The following TENM3 variants were observed in gnomAD, a reference collection of about 807,000 sequenced individuals.
The protein encoded by TENM3 is teneurin-3.
In TENM3, 63 loss-of-function variants were observed where a neutral mutation model predicts 255.1. That is an observed-to-expected ratio of 0.25 (90% CI 0.20 to 0.30). The LOEUF (loss-of-function observed/expected upper bound fraction) is 0.30, where lower values mean the gene tolerates loss of function less well. Ranked by LOEUF, TENM3 falls within the 10% of genes least tolerant of loss-of-function variation. The pLI, the probability that TENM3 is intolerant of heterozygous loss-of-function variation, is 1.00. For synonymous variants in TENM3, 1,306 were observed against 1,322.3 expected, an observed-to-expected ratio of 0.99 and a Z score of 0.27; for missense variants, 2,929 against 3,461.1, an observed-to-expected ratio of 0.85 and a Z score of 3.86.
chr4:181,512,707 C>T, the TENM3 span, among the ~76,000 whole-genome samples: 1 of 152,190 alleles, frequency 6.6e-6, no homozygotes, highest in South Asian at 2.1e-4. Context: ...ATCTACGGCA[C>T]CTAAAAGTGT....
intron 3 of TENM3, among the ~76,000 whole-genome samples, chr4:182,368,011 T>C (rs1214755993): frequency 1.3e-5 from 2 of 152,196 alleles, no homozygotes; most frequent in Non-Finnish European, 2.9e-5. Flanking sequence ...TGTACTCCAA[T>C]ACCAGCTAAG....
the TENM3 span, among the ~76,000 whole-genome samples, chr4:181,801,648 TAAAATATATATATATA>T: frequency 2.0e-4 from 17 of 86,416 alleles, no homozygotes; most frequent in Non-Finnish European, 4.1e-4. Context: ...TAAAGAATTG[TAAAATATATATATATA>T]TATATATATA....
intron 1 of TENM3, among the ~76,000 whole-genome samples, chr4:182,295,951 A>G (rs569967369): frequency 1.3e-5 from 2 of 151,976 alleles, no homozygotes; most frequent in African/African-American, 2.4e-5. Context: ...CATTATTATT[A>G]TTTTTTTATT....
At chr4:182,663,212 T>C (rs1056592386) in intron 6 of TENM3, among the ~76,000 whole-genome samples, 3 of 152,194 alleles carry the variant, frequency 2.0e-5, no homozygotes, top group Non-Finnish European at 4.4e-5. Flanking sequence ...GATTCATATT[T>C]CATGGGAAAA....
intron 3 of TENM3, among the ~76,000 whole-genome samples, chr4:182,492,262 A>G (rs569126701): frequency 6.6e-6 from 1 of 152,188 alleles, no homozygotes; most frequent in East Asian, 1.9e-4. Flanking sequence ...ATAAGCTAAC[A>G]TTTCCTGAAA....
intron 1 of TENM3, among the ~76,000 whole-genome samples, chr4:182,301,938 G>A (rs1429812569): frequency 6.6e-6 from 1 of 152,166 alleles, no homozygotes; most frequent in Non-Finnish European, 1.5e-5. Flanking sequence ...GCTTCCTTGG[G>A]ACACGCTCGG....
chr4:181,623,706 A>G, the TENM3 span, among the ~76,000 whole-genome samples: 2 of 152,222 alleles, frequency 1.3e-5, no homozygotes, highest in African/African-American at 4.8e-5. Flanking sequence ...TTCGTAAACA[A>G]TCAGTTGTTA....
Position 182,436,878 on chromosome 4 carries a change from C to T in TENM3, c.511+89949C>T, listed in dbSNP as rs936832426. On this transcript the variant is annotated intron_variant, in intron 3 of 27. Coordinates refer to ENST00000511685, the MANE Select transcript of TENM3 (RefSeq NM_001080477.4). ...ACTAAAAATACAAAAATTAGCCAGG[C>T]GTGGTGGTGGGCACCTGTTATCCCA... 7.2e-5 allele frequency among the ~76,000 whole-genome samples: 11 copies of T among 152,100 alleles called. No individual in the cohort carries two copies. In the East Asian group the frequency reaches 7.8e-4, roughly 11 times the overall value.
At chr4:182,427,626 C>T (rs998874938) in intron 3 of TENM3, among the ~76,000 whole-genome samples, 4 of 152,126 alleles carry the variant, frequency 2.6e-5, no homozygotes, top group African/African-American at 9.7e-5. Flanking sequence ...TAGATAAATA[C>T]CACTTTGTGC....
At chr4:182,450,172 T>C (rs1773329066) in intron 3 of TENM3, among the ~76,000 whole-genome samples, 1 of 152,378 alleles carries the variant, frequency 6.6e-6, no homozygotes, top group Admixed American at 6.5e-5. Context: ...TCTGGAGTTG[T>C]ACAAGCCAAG....
At chr4:182,608,824 C>T (rs558112476) in intron 4 of TENM3, among the ~76,000 whole-genome samples, 3 of 152,198 alleles carry the variant, frequency 2.0e-5, no homozygotes, top group Admixed American at 6.5e-5. Flanking sequence ...GCCCCGGGTG[C>T]TCTGCGGACC....
chr4:182,198,380 T>C (rs993857728), intron 1 of TENM3, among the ~76,000 whole-genome samples: 1 of 152,178 alleles, frequency 6.6e-6, no homozygotes, highest in Non-Finnish European at 1.5e-5. Context: ...TTTTGATTGA[T>C]TGGGAATAAG....
intron 3 of TENM3, among the ~76,000 whole-genome samples, chr4:182,379,218 G>A (rs986275361): frequency 2.6e-5 from 4 of 152,134 alleles, no homozygotes; most frequent in Non-Finnish European, 5.9e-5. Context: ...TTAGCCGGGC[G>A]TGGTAGTGGG....
At chr4:181,850,740 A>G in the TENM3 span, among the ~76,000 whole-genome samples, 1 of 152,132 alleles carries the variant, frequency 6.6e-6, no homozygotes, top group Non-Finnish European at 1.5e-5. Context: ...TCTAAGTATG[A>G]TGGGTAAAAT....
At chr4:182,410,505 G>T (rs924319025) in intron 3 of TENM3, among the ~76,000 whole-genome samples, 1 of 152,158 alleles carries the variant, frequency 6.6e-6, no homozygotes, top group Non-Finnish European at 1.5e-5. Flanking sequence ...AGTAGCTCTC[G>T]GCTGGCAAGC....
intron 3 of TENM3, among the ~76,000 whole-genome samples, chr4:182,538,357 C>T (rs140755358): frequency 1.3e-5 from 2 of 152,164 alleles, no homozygotes; most frequent in African/African-American, 4.8e-5. Context: ...CAAGTCACCA[C>T]TCAGGTCACT....
intron 5 of TENM3, among the ~76,000 whole-genome samples, chr4:182,651,801 T>G (rs963187658): frequency 6.8e-6 from 1 of 146,622 alleles, no homozygotes; most frequent in Non-Finnish European, 1.5e-5. Flanking sequence ...AGGGTAGATG[T>G]CGCTATCTAC....
At position 182,360,945 on chromosome 4, in the gene TENM3, T is replaced by C. The variant is rs185786090; in HGVS notation, c.511+14016T>C. Among the ~76,000 whole-genome samples the C allele has an allele frequency of 7.9e-5, 12 of 152,282 alleles. No homozygotes were observed. The South Asian group carries it at 1.9e-3, about 24-fold the overall frequency. On this transcript the variant is annotated intron_variant, in intron 3 of 27. Coordinates refer to ENST00000511685, the MANE Select transcript of TENM3 (RefSeq NM_001080477.4). ...GTGACAAAATCTCTTAGCATTTGCT[T>C]GTCTGTAAAGTATTCTATTTCTCCT...
intron 3 of TENM3, among the ~76,000 whole-genome samples, chr4:182,456,423 C>A (rs1431495138): frequency 2.0e-5 from 3 of 152,148 alleles, no homozygotes; most frequent in Non-Finnish European, 4.4e-5. Flanking sequence ...CATTTCTTTG[C>A]ATTTTCTGTT....
Sources: allele counts gnomAD v4.1 joint callset (sites outside exome capture counted in the v4.1 genomes callset), GRCh38; gene constraint gnomAD v4.1.1; transcripts MANE v1.5; gene names NCBI Gene and HGNC (gene_info 2026-07-23, HGNC 2026-07-21).